MTRFR: variants seen among roughly 807,000 people sequenced by gnomAD.
MTRFR encodes the protein probable peptide chain release factor C12orf65, mitochondrial.
In MTRFR, 10 loss-of-function variants were observed where a neutral mutation model predicts 11.9. That is an observed-to-expected ratio of 0.84 (90% CI 0.52 to 1.42). MTRFR has a LOEUF of 1.42. Among genes scored for constraint, MTRFR ranks in the 40% most tolerant of loss-of-function variants. The pLI is 0.00. For missense variants in MTRFR, 196 were observed against 197.9 expected (o/e 0.99, Z 0.06); for synonymous variants, 77 against 79.1 (o/e 0.97, Z 0.14).
chr12:123,255,981 G>A (rs1465368524), intron 2 of MTRFR, among the ~76,000 whole-genome samples: 1 of 152,014 alleles, frequency 6.6e-6, no homozygotes, highest in Non-Finnish European at 1.5e-5. Context: ...TGCCCACGCT[G>A]GTCTCAAACT....
At chr12:123,251,311 A>C (rs985234282) in intron 1 of MTRFR, 20 of 152,294 alleles carry the variant, frequency 1.3e-4, no homozygotes, top group African/African-American at 4.8e-4. Flanking sequence ...CCACCTGTGA[A>C]GTCTGCATGC....
chr12:123,256,974 C>T lies in MTRFR; in HGVS notation c.444C>T (p.Thr148=), dbSNP rs1368612421. The part of the protein sequence containing the change: ...KQERKKRAKE[T]LEKKKLLKEL... ...AAAGGAAAAAAAGAGCAAAGGAAACCCTGGAAAAAAAGAAGCTACTTAAAG... is the reference window on the plus strand; with the variant it reads ...AAAGGAAAAAAAGAGCAAAGGAAACTCTGGAAAAAAAGAAGCTACTTAAAG... The change falls in exon 3 of 3, where the codon ACC becomes ACT. Residue 148 remains threonine (T), a synonymous_variant. Transcript: ENST00000253233. 6.2e-7 allele frequency: 1 copy of T among 1,611,878 alleles called. No homozygotes were observed. Among genetic ancestry groups the T allele is most frequent in the Non-Finnish European group, 8.5e-7 (1 of 1,179,588 alleles).
intron 1 of MTRFR, among the ~76,000 whole-genome samples, chr12:123,239,588 G>A (rs2047899126): frequency 6.6e-6 from 1 of 152,038 alleles, no homozygotes; most frequent in Non-Finnish European, 1.5e-5. Context: ...ATTTTTAGTA[G>A]AGACGGGGTT....
intron 1 of MTRFR, among the ~76,000 whole-genome samples, chr12:123,252,798 G>A (rs1012745499): frequency 3.3e-5 from 5 of 151,956 alleles, no homozygotes; most frequent in African/African-American, 7.3e-5. Context: ...GGTGGCACAC[G>A]CCTGTAATCC....
chr12:123,246,320 T>C (rs891195349), intron 1 of MTRFR, among the ~76,000 whole-genome samples: 1 of 152,224 alleles, frequency 6.6e-6, no homozygotes, highest in Non-Finnish European at 1.5e-5. Context: ...CCCAAAGTGC[T>C]GAGCCACTGC....
rs544105176 is a variant in MTRFR, at chr12:123,244,930, A to ATTTTTTTTTTTT, written c.-28-8698_-28-8687dup. On this transcript the variant is annotated intron_variant, in intron 1 of 2. Coordinates refer to ENST00000253233, the MANE Select transcript of MTRFR (RefSeq NM_152269.5). The stretch of plus-strand genomic sequence containing the variant: ...ACAGGTATGAGCCACCGCACCCGGC[A>ATTTTTTTTTTTT]TTTTTTTTTTTTTTTTTTTTTTTTT... 5.1e-4 allele frequency among the ~76,000 whole-genome samples: 33 copies of ATTTTTTTTTTTT among 65,092 alleles called. 4 individuals carry two copies. Among genetic ancestry groups the ATTTTTTTTTTTT allele is most frequent in the African/African-American group, 8.1e-4 (8 of 9,838 alleles). 42.7% of individuals were successfully genotyped at this position (65,092 alleles called of 152,430 possible).
intron 1 of MTRFR, among the ~76,000 whole-genome samples, chr12:123,235,186 G>A (rs1200895431): frequency 6.6e-6 from 1 of 152,162 alleles, no homozygotes; most frequent in Non-Finnish European, 1.5e-5. Flanking sequence ...ATGGCAACAT[G>A]TATGATTTTG....
At chr12:123,236,922 A>G (rs2047860367) in intron 1 of MTRFR, among the ~76,000 whole-genome samples, 1 of 151,854 alleles carries the variant, frequency 6.6e-6, no homozygotes, top group Non-Finnish European at 1.5e-5. Flanking sequence ...CATCTCTACT[A>G]AAAATACAAA....
At chr12:123,245,557 T>C (rs1402884331) in intron 1 of MTRFR, among the ~76,000 whole-genome samples, 2 of 152,226 alleles carry the variant, frequency 1.3e-5, no homozygotes, top group Non-Finnish European at 2.9e-5. Context: ...CTATGATTCC[T>C]TTCAGCAGTT....
intron 1 of MTRFR, among the ~76,000 whole-genome samples, chr12:123,246,795 A>G (rs185495689): frequency 0.013 from 1,700 of 128,050 alleles, 15 homozygotes; most frequent in Non-Finnish European, 0.019. Context: ...CAGTGGAGCA[A>G]TCTTGGCTCA....
At chr12:123,238,582 G>A (rs922699000) in intron 1 of MTRFR, among the ~76,000 whole-genome samples, 1 of 151,986 alleles carries the variant, frequency 6.6e-6, no homozygotes, top group Admixed American at 6.6e-5. Context: ...ACCAGACTGG[G>A]CAACATGATG....
chr12:123,246,659 T>C (rs2048044527), intron 1 of MTRFR, among the ~76,000 whole-genome samples: 1 of 151,216 alleles, frequency 6.6e-6, no homozygotes, highest in Non-Finnish European at 1.5e-5. Flanking sequence ...TTGGAGTTGA[T>C]TTCCAGTTTT....
chr12:123,251,250 C>G (rs1331985061), intron 1 of MTRFR: 1 of 152,324 alleles, frequency 6.6e-6, no homozygotes, highest in South Asian at 2.1e-4. Context: ...AAAATTTGCC[C>G]CAAGGCTGTG....
chr12:123,241,782 T>C (rs2047942470), intron 1 of MTRFR, among the ~76,000 whole-genome samples: 2 of 152,232 alleles, frequency 1.3e-5, no homozygotes, highest in Admixed American at 1.3e-4. Flanking sequence ...CAGGCCTTGT[T>C]GCAGAGTTGA....
At chr12:123,246,418 G>A (rs1161560214) in intron 1 of MTRFR, among the ~76,000 whole-genome samples, 4 of 152,024 alleles carry the variant, frequency 2.6e-5, no homozygotes, top group Non-Finnish European at 4.4e-5. Context: ...TATTTAATTT[G>A]CATGTATTTG....
intron 1 of MTRFR, chr12:123,243,843 A>G (rs951828554): frequency 6.6e-6 from 1 of 152,280 alleles, no homozygotes; most frequent in Non-Finnish European, 1.5e-5. Flanking sequence ...CAGGAAATGC[A>G]CATATTTACA....
chr12:123,256,751 T>C (rs2048185558), intron 2 of MTRFR, 62 bp from the exon 3 acceptor site: 2 of 1,278,210 alleles, frequency 1.6e-6, no homozygotes, highest in Non-Finnish European at 2.3e-6. Context: ...TAATGACTTC[T>C]GAGGTCCTGT....
intron 1 of MTRFR, among the ~76,000 whole-genome samples, chr12:123,246,959 G>A (rs1435027072): frequency 5.3e-5 from 8 of 151,482 alleles, no homozygotes; most frequent in African/African-American, 1.7e-4. Context: ...TCAATCTCCC[G>A]ACCTTGTGAT....
At chr12:123,256,118 T>C (rs2138798300) in intron 2 of MTRFR, among the ~76,000 whole-genome samples, 1 of 152,308 alleles carries the variant, frequency 6.6e-6, no homozygotes, top group Non-Finnish European at 1.5e-5. Flanking sequence ...CTATAATAAC[T>C]GAGGCATTAC....
Sources: allele counts gnomAD v4.1 joint callset (sites outside exome capture counted in the v4.1 genomes callset), GRCh38; gene constraint gnomAD v4.1.1; transcripts MANE v1.5; gene names NCBI Gene and HGNC (gene_info 2026-07-23, HGNC 2026-07-21).